Variants in CACNA2D3 observed in about 807,000 individuals in gnomAD.
The protein encoded by CACNA2D3 is voltage-dependent calcium channel subunit alpha-2/delta-3.
Under a neutral mutation model 160.6 loss-of-function variants are expected in CACNA2D3, and 60 were observed. That is an observed-to-expected ratio of 0.37 (90% CI 0.30 to 0.46). The LOEUF is 0.46. CACNA2D3 is among the 20% of genes least tolerant of loss of function. The probability of loss-of-function intolerance (pLI) is 1.00; values close to 1 mark genes in which losing one functional copy is unlikely to be tolerated. For synonymous variants in CACNA2D3, 558 were observed against 492.9 expected, an observed-to-expected ratio of 1.13 and a Z score of -1.75; for missense variants, 1,205 against 1,365.0, an observed-to-expected ratio of 0.88 and a Z score of 1.85.
intron 9 of CACNA2D3, among the ~76,000 whole-genome samples, chr3:54,592,603 G>C (rs1447634335): frequency 6.6e-6 from 1 of 152,154 alleles, no homozygotes; most frequent in African/African-American, 2.4e-5. Flanking sequence ...CCTGTGGTCT[G>C]TCTTGGGGGA....
chr3:54,509,557 G>T (rs1383676588), intron 5 of CACNA2D3, among the ~76,000 whole-genome samples: 1 of 152,078 alleles, frequency 6.6e-6, no homozygotes, highest in Non-Finnish European at 1.5e-5. Context: ...ACATTGCTCT[G>T]GACCTAGAGA....
At chr3:55,001,323 G>A (rs1022239520) in intron 31 of CACNA2D3, among the ~76,000 whole-genome samples, 2 of 152,196 alleles carry the variant, frequency 1.3e-5, no homozygotes, top group African/African-American at 2.4e-5. Context: ...GGTAATGCCT[G>A]TGTCAATTCC....
chr3:54,564,228 T>A (rs894854769), intron 6 of CACNA2D3, among the ~76,000 whole-genome samples: 12 of 152,154 alleles, frequency 7.9e-5, no homozygotes, highest in African/African-American at 2.9e-4. Context: ...TGTTGTCTCC[T>A]CCAACAGGGA....
intron 11 of CACNA2D3, among the ~76,000 whole-genome samples, chr3:54,670,718 C>T (rs1451376397): frequency 1.3e-5 from 2 of 152,168 alleles, no homozygotes; most frequent in African/African-American, 4.8e-5. Flanking sequence ...GCTGATTTTT[C>T]ACATTTAATT....
Position 54,559,531 on chromosome 3 carries a change from G to A in CACNA2D3, c.545-3269G>A, listed in dbSNP as rs151095394. On this transcript the variant is annotated intron_variant, in intron 5 of 37. Transcript: ENST00000474759. ...TGTCCTCGAACTCCTGCCCTCAAGT[G>A]ATCTGCCCACCTCGGCCTCCCAAAG... Among the ~76,000 whole-genome samples, 779 of 152,194 alleles carry A rather than the reference G, an allele frequency of 5.1e-3. 9 individuals are homozygous for A. Among genetic ancestry groups the A allele is most frequent in the African/African-American group, 0.018 (739 of 41,528 alleles).
At chr3:54,697,680 A>G (rs540555339) in intron 11 of CACNA2D3, among the ~76,000 whole-genome samples, 2 of 152,294 alleles carry the variant, frequency 1.3e-5, no homozygotes, top group African/African-American at 4.8e-5. Flanking sequence ...CATGCATTCC[A>G]GAGAGAGGGA....
intron 27 of CACNA2D3, among the ~76,000 whole-genome samples, chr3:54,933,043 CCATCCCTCCCTTCCTTCCTTCCTT>C (rs1339685952): frequency 1.4e-5 from 2 of 139,456 alleles, no homozygotes; most frequent in African/African-American, 6.6e-5. Context: ...TTCCATCCAT[CCATCCCTCCCTTCCTTCCTTCCTT>C]CCTTCCTTCC....
At chr3:54,187,719 C>T (rs1276038830) in intron 2 of CACNA2D3, among the ~76,000 whole-genome samples, 2 of 152,154 alleles carry the variant, frequency 1.3e-5, no homozygotes, top group African/African-American at 2.4e-5. Flanking sequence ...TGTTCCGTCT[C>T]AGATCATCAG....
chr3:54,876,941 A>G (rs555102960), intron 18 of CACNA2D3: 1 of 152,356 alleles, frequency 6.6e-6, no homozygotes, highest in East Asian at 1.9e-4. Context: ...ACAGGAAGAA[A>G]GTGAGCCACA....
rs141589160 is a variant in CACNA2D3 at position 54,402,503 on chromosome 3, A to G, written c.381+15729A>G. On this transcript the variant is annotated intron_variant, in intron 4 of 37. Transcript: ENST00000474759. ...GGCTGGCTATACTTATATCTAATAA[A>G]ATAGATTTTAAGTATGAAACTGTCA... is the stretch of plus-strand genomic sequence containing the variant. Among the ~76,000 whole-genome samples the G allele has an allele frequency of 1.5e-3, 227 of 152,312 alleles. 1 individual carries two copies. The highest frequency in any genetic ancestry group is 6.8e-3 in the Middle Eastern group (2 of 294).
intron 11 of CACNA2D3, among the ~76,000 whole-genome samples, chr3:54,688,184 A>G (rs1397238026): frequency 6.6e-6 from 1 of 152,232 alleles, no homozygotes; most frequent in Non-Finnish European, 1.5e-5. Flanking sequence ...TTTGTCCCCA[A>G]GAGCATGAAG....
rs553196046 is a variant in CACNA2D3 at position 54,283,932 on chromosome 3, C to T, written c.205-36510C>T. On this transcript the variant is annotated intron_variant, in intron 2 of 37. Transcript: ENST00000474759. The stretch of plus-strand genomic sequence containing the variant: ...ACAAAAATTAGCTGAGTGTGGAGTG[C>T]GTGGCTGTAGTCCCAGCTACTCAGG... 7.0e-4 allele frequency among the ~76,000 whole-genome samples: 106 copies of T among 152,100 alleles called. 1 individual carries two copies. The highest frequency in any genetic ancestry group is 2.9e-3 in the South Asian group (14 of 4,814).
At position 54,846,440 on chromosome 3, in the gene CACNA2D3, C is replaced by T; in HGVS notation, c.1599C>T (p.Ile533=). ...YAFAITNNGY[I]LTHPELRLLY... is the part of the protein sequence containing the mutation. ...TTGCAATCACAAATAATGGATATAT[C>T]CTGACGCATCCGGAACTCAGGCTGC... The change falls in exon 17 of 38, where the codon ATC becomes ATT. Residue 533 remains isoleucine, a synonymous_variant. Coordinates refer to ENST00000474759, the MANE Select transcript of CACNA2D3 (RefSeq NM_018398.3). 6.2e-7 allele frequency: 1 copy of T among 1,603,432 alleles called. No individual in the cohort carries two copies.
In CACNA2D3 at chr3:54,918,332, C is replaced by CTTTTTTTTTTTTTTTTT. The variant is rs533596688; in HGVS notation, c.2449+18471_2449+18487dup. ...TTTTACAGACACATCTTTTTTTTTT[C>CTTTTTTTTTTTTTTTTT]TTTTTTTTTTTTTTTTTTTTTTTGT... On this transcript the variant is annotated intron_variant, in intron 27 of 37. Coordinates refer to ENST00000474759, the MANE Select transcript of CACNA2D3 (RefSeq NM_018398.3). 5.9e-4 allele frequency: 134 copies of CTTTTTTTTTTTTTTTTT among 228,026 alleles called. 13 individuals are homozygous for CTTTTTTTTTTTTTTTTT. The highest frequency in any genetic ancestry group is 8.0e-4 in the Non-Finnish European group (101 of 126,156). 14.1% of individuals were successfully genotyped at this position (228,026 alleles called of 1,614,324 possible). A position where few individuals can be genotyped will look rare whatever the true frequency, so the allele number is the denominator to read the frequency against.
At chr3:54,875,539 A>T (rs1403192408) in intron 18 of CACNA2D3, 1 of 152,200 alleles carries the variant, frequency 6.6e-6, no homozygotes, top group African/African-American at 2.4e-5. Context: ...AATCATACAC[A>T]CAACTTAAGG....
chr3:54,284,298 A>T (rs1559908236), intron 2 of CACNA2D3, among the ~76,000 whole-genome samples: 1 of 151,562 alleles, frequency 6.6e-6, no homozygotes, highest in Non-Finnish European at 1.5e-5. Context: ...AATTAAAAAA[A>T]TTAAAAAAAT....
intron 11 of CACNA2D3, among the ~76,000 whole-genome samples, chr3:54,676,382 C>T (rs979318840): frequency 2.6e-5 from 4 of 152,112 alleles, no homozygotes; most frequent in Admixed American, 2.6e-4. Context: ...TCTCCCAGCA[C>T]TTAGCATGGT....
intron 2 of CACNA2D3, among the ~76,000 whole-genome samples, chr3:54,292,513 G>T (rs1472799495): frequency 6.6e-6 from 1 of 151,796 alleles, no homozygotes; most frequent in African/African-American, 2.4e-5. Flanking sequence ...ATGAACAAAG[G>T]TTCTGAATAA....
intron 11 of CACNA2D3, among the ~76,000 whole-genome samples, chr3:54,656,081 A>G (rs1413487294): frequency 6.6e-6 from 1 of 152,148 alleles, no homozygotes; most frequent in African/African-American, 2.4e-5. Context: ...AGTGAACATT[A>G]GCAATGGAGA....
Sources: gnomAD v4.1 joint callset for allele counts (sites outside exome capture counted in the v4.1 genomes callset) on GRCh38, gnomAD v4.1.1 for gene constraint, MANE v1.5 for transcripts, NCBI Gene and HGNC (gene_info 2026-07-23, HGNC 2026-07-21) for gene names.